Variants in NRG1 observed in about 807,000 individuals in gnomAD.
The protein encoded by NRG1 is pro-neuregulin-1, membrane-bound isoform.
A neutral mutation model predicts 63.8 loss-of-function variants in NRG1; 18 were observed. That is an observed-to-expected ratio of 0.28 (90% confidence interval 0.19 to 0.42). The LOEUF is 0.42. NRG1 is among the 10% of genes least tolerant of loss of function. NRG1 has a pLI of 1.00. For missense variants in NRG1, 762 were observed against 814.7 expected (o/e 0.94, Z 0.79); for synonymous variants, 302 against 301.3 (o/e 1.00, Z -0.02).
chr8:32,461,624 G>A (rs187036722), intron 1 of NRG1, among the ~76,000 whole-genome samples: 140 of 152,194 alleles, frequency 9.2e-4, no homozygotes, highest in Non-Finnish European at 1.1e-3. Context: ...CCTAGGAGGC[G>A]GAGGTTGAAA....
intron 1 of NRG1, among the ~76,000 whole-genome samples, chr8:32,275,489 G>A (rs888219008): frequency 2.6e-5 from 4 of 152,046 alleles, no homozygotes; most frequent in Admixed American, 1.3e-4. Flanking sequence ...CAGTGGTCAG[G>A]GAAGCCTCTC....
chr8:32,719,892 A>G (rs1820190705), intron 5 of NRG1, among the ~76,000 whole-genome samples: 1 of 152,080 alleles, frequency 6.6e-6, no homozygotes, highest in African/African-American at 2.4e-5. Flanking sequence ...GATTAAATTC[A>G]GGTTTGATTT....
intron 1 of NRG1, among the ~76,000 whole-genome samples, chr8:32,324,518 G>T (rs969774504): frequency 6.6e-6 from 1 of 152,060 alleles, no homozygotes; most frequent in Non-Finnish European, 1.5e-5. Flanking sequence ...TAACTAATGG[G>T]GAAGGCATCT....
At chr8:32,398,688 TACAGGTGTGAG>T (rs1328726252) in intron 1 of NRG1, among the ~76,000 whole-genome samples, 1 of 152,118 alleles carries the variant, frequency 6.6e-6, no homozygotes, top group African/African-American at 2.4e-5. Context: ...TGGGATTAAT[TACAGGTGTGAG>T]ACACTGCACC....
intron 1 of NRG1, among the ~76,000 whole-genome samples, chr8:32,418,056 T>A (rs562310950): frequency 6.6e-6 from 1 of 152,248 alleles, no homozygotes; most frequent in African/African-American, 2.4e-5. Context: ...GAAAAGGAGA[T>A]CTATGCATTG....
intron 1 of NRG1, among the ~76,000 whole-genome samples, chr8:32,186,597 T>C (rs1841997829): frequency 6.6e-6 from 1 of 152,152 alleles, no homozygotes; most frequent in Non-Finnish European, 1.5e-5. Flanking sequence ...ACTGGAGATG[T>C]GGAGATGCAG....
At chr8:32,195,283 A>T (rs1350199410) in intron 1 of NRG1, among the ~76,000 whole-genome samples, 1 of 151,974 alleles carries the variant, frequency 6.6e-6, no homozygotes, top group Non-Finnish European at 1.5e-5. Context: ...AAACTATATT[A>T]AAAAAATTTA....
At chr8:32,280,166 T>C (rs998190448) in intron 1 of NRG1, among the ~76,000 whole-genome samples, 1 of 152,250 alleles carries the variant, frequency 6.6e-6, no homozygotes, top group African/African-American at 2.4e-5. Flanking sequence ...AGTTTTAGAA[T>C]AGAATGTAAG....
At chr8:31,995,433 TA>T (rs1369758500) in intron 1 of NRG1, among the ~76,000 whole-genome samples, 2 of 151,982 alleles carry the variant, frequency 1.3e-5, no homozygotes, top group African/African-American at 4.8e-5. Context: ...TATTTTTCTC[TA>T]AAAGAAAGAT....
chr8:32,080,210 C>G (rs112692058), intron 1 of NRG1, among the ~76,000 whole-genome samples: 1 of 151,946 alleles, frequency 6.6e-6, no homozygotes, highest in African/African-American at 2.4e-5. Context: ...GAATTCTTAA[C>G]GTGATTATTT....
Position 32,650,345 on chromosome 8 carries a change from T to C in NRG1, c.502+33460T>C, listed in dbSNP as rs574578913. On this transcript the variant is annotated intron_variant, in intron 5 of 11. Transcript: ENST00000356819. ...CACAGCTGCAACGTTTTGAAGTGCA[T>C]CGGAGATAAGCCTAGAGAAGCAGTC... 5.3e-5 allele frequency among the ~76,000 whole-genome samples: 8 copies of C among 152,260 alleles called. No homozygotes were observed. In the South Asian group the frequency reaches 1.7e-3, roughly 32 times the overall value.
chr8:31,817,534 A>C (rs1394558931), intron 1 of NRG1, among the ~76,000 whole-genome samples: 1 of 152,226 alleles, frequency 6.6e-6, no homozygotes, highest in Non-Finnish European at 1.5e-5. Context: ...AATGGGGGAA[A>C]CATGCTGTTA....
At chr8:32,596,168 C>G (rs1179291202) in intron 2 of NRG1, among the ~76,000 whole-genome samples, 163 bp downstream of exon 2, 1 of 151,994 alleles carries the variant, frequency 6.6e-6, no homozygotes, top group Non-Finnish European at 1.5e-5. Context: ...ATCACATAGG[C>G]AAGAATTCTT....
chr8:31,912,566 C>CTTTTTTTT (rs3052846), intron 1 of NRG1, among the ~76,000 whole-genome samples: 2 of 105,632 alleles, frequency 1.9e-5, no homozygotes, highest in African/African-American at 3.6e-5. Flanking sequence ...TTTAGAAATG[C>CTTTTTTTT]TTTTTTTTTT....
chr8:32,370,015 A>G (rs1469499474), intron 1 of NRG1, among the ~76,000 whole-genome samples: 1 of 152,152 alleles, frequency 6.6e-6, no homozygotes, highest in Non-Finnish European at 1.5e-5. Flanking sequence ...AAGACTCCAA[A>G]GTGCTGGTTC....
At chr8:32,062,412 T>C (rs759818638) in intron 1 of NRG1, among the ~76,000 whole-genome samples, 2 of 152,068 alleles carry the variant, frequency 1.3e-5, no homozygotes, top group Non-Finnish European at 2.9e-5. Flanking sequence ...GAACTAGTTT[T>C]GTTTAGCTTT....
chr8:32,104,525 C>T (rs1433500329), intron 1 of NRG1, among the ~76,000 whole-genome samples: 1 of 152,018 alleles, frequency 6.6e-6, no homozygotes, highest in Admixed American at 6.6e-5. Context: ...TTAATGTTAG[C>T]TTACTGTAAC....
intron 1 of NRG1, among the ~76,000 whole-genome samples, chr8:32,503,698 C>T (rs1481097735): frequency 6.6e-6 from 1 of 152,098 alleles, no homozygotes; most frequent in Non-Finnish European, 1.5e-5. Context: ...GCGGTGAATC[C>T]ATACGGGTAT....
intron 1 of NRG1, among the ~76,000 whole-genome samples, chr8:31,680,300 C>G (rs1475685479): frequency 7.9e-6 from 1 of 126,658 alleles, no homozygotes; most frequent in African/African-American, 3.0e-5. Flanking sequence ...CCTCCCCCCA[C>G]CCCACAACAG....
Sources: allele counts gnomAD v4.1 joint callset (sites outside exome capture counted in the v4.1 genomes callset), GRCh38; gene constraint gnomAD v4.1.1; transcripts MANE v1.5; gene names NCBI Gene and HGNC (gene_info 2026-07-23, HGNC 2026-07-21).